Variants in TACR1 observed in about 807,000 individuals in gnomAD.
TACR1 encodes the protein substance-P receptor.
A neutral mutation model predicts 35.8 loss-of-function variants in TACR1; 25 were observed. That is an observed-to-expected ratio of 0.70 (90% CI 0.51 to 0.98). The LOEUF is 0.98. Among genes scored for constraint, TACR1 ranks in the 50% least tolerant of loss-of-function variants. TACR1 has a pLI of 0.00. For missense variants in TACR1, 478 were observed against 522.9 expected, an observed-to-expected ratio of 0.91 and a Z score of 0.84; for synonymous variants, 195 against 206.7, an observed-to-expected ratio of 0.94 and a Z score of 0.48.
intron 2 of TACR1, among the ~76,000 whole-genome samples, chr2:75,059,209 A>C (rs902321981): frequency 1.6e-4 from 25 of 152,200 alleles, no homozygotes; most frequent in African/African-American, 5.8e-4. Flanking sequence ...CCACATAATC[A>C]TCCAGAATCT....
intron 1 of TACR1, among the ~76,000 whole-genome samples, chr2:75,182,049 C>G (rs918647553): frequency 6.6e-6 from 1 of 152,224 alleles, no homozygotes; most frequent in Non-Finnish European, 1.5e-5. Flanking sequence ...CAGGTACTTT[C>G]TAACTTTCTG....
At chr2:75,076,925 T>A (rs1219630949) in intron 2 of TACR1, among the ~76,000 whole-genome samples, 1 of 152,202 alleles carries the variant, frequency 6.6e-6, no homozygotes, top group Non-Finnish European at 1.5e-5. Flanking sequence ...CCTACTAGCT[T>A]CCGCTTTACA....
intron 2 of TACR1, among the ~76,000 whole-genome samples, chr2:75,084,270 A>G (rs979084050): frequency 6.6e-6 from 1 of 152,230 alleles, no homozygotes; most frequent in Admixed American, 6.5e-5. Flanking sequence ...CATCCCAGGG[A>G]TGAAGCCCAC....
chr2:75,186,462 G>A (rs535280680), intron 1 of TACR1, among the ~76,000 whole-genome samples: 7 of 151,032 alleles, frequency 4.6e-5, no homozygotes, highest in South Asian at 4.2e-4. Context: ...TGAGATGAGC[G>A]TTGATTTTAC....
At chr2:75,087,417 T>G (rs1673210173) in intron 2 of TACR1, among the ~76,000 whole-genome samples, 1 of 152,200 alleles carries the variant, frequency 6.6e-6, no homozygotes, top group African/African-American at 2.4e-5. Flanking sequence ...CAAAAAGTGC[T>G]TTTCTCTCTG....
chr2:75,134,513 GACAT>G (rs1372450460), intron 1 of TACR1, among the ~76,000 whole-genome samples: 1 of 152,158 alleles, frequency 6.6e-6, no homozygotes, highest in Non-Finnish European at 1.5e-5. Context: ...CAGACAGGAG[GACAT>G]TTACGCCTGG....
chr2:75,118,642 T>A (rs1194788254), intron 2 of TACR1, among the ~76,000 whole-genome samples: 1 of 152,214 alleles, frequency 6.6e-6, no homozygotes, highest in Non-Finnish European at 1.5e-5. Flanking sequence ...AAATTAATCT[T>A]TATTTCCAAG....
chr2:75,141,628 C>G (rs961701295), intron 1 of TACR1, among the ~76,000 whole-genome samples: 5 of 152,136 alleles, frequency 3.3e-5, no homozygotes, highest in African/African-American at 1.2e-4. Context: ...TGTCCACCCA[C>G]TATTCAATTT....
chr2:75,118,009 A>G (rs996932245), intron 2 of TACR1, among the ~76,000 whole-genome samples: 1 of 152,218 alleles, frequency 6.6e-6, no homozygotes, highest in Non-Finnish European at 1.5e-5. Flanking sequence ...TGACTCAGCT[A>G]GAGAGTGATG....
At chr2:75,085,289 A>C (rs1403279364) in intron 2 of TACR1, among the ~76,000 whole-genome samples, 2 of 151,850 alleles carry the variant, frequency 1.3e-5, no homozygotes, top group Non-Finnish European at 2.9e-5. Flanking sequence ...CTTACCCTCC[A>C]TGATCTCCTA....
chr2:75,197,695 AC>A (rs1334667972), intron 1 of TACR1, among the ~76,000 whole-genome samples: 3 of 151,918 alleles, frequency 2.0e-5, no homozygotes, highest in Admixed American at 6.6e-5. Context: ...AGCTTTGGGA[AC>A]CCTAACCTGT....
chr2:75,157,246 C>G (rs772918861), intron 1 of TACR1, among the ~76,000 whole-genome samples: 1 of 152,140 alleles, frequency 6.6e-6, no homozygotes, highest in Non-Finnish European at 1.5e-5. Flanking sequence ...CCCTTCTCCT[C>G]CAAGTCTAAA....
At chr2:75,080,873 ACTT>A (rs1673075285) in intron 2 of TACR1, among the ~76,000 whole-genome samples, 1 of 152,224 alleles carries the variant, frequency 6.6e-6, no homozygotes. Context: ...CAAAAGAAAT[ACTT>A]CTTAAACCAT....
rs867789687 is a variant in TACR1 at position 75,051,328 on chromosome 2, C to T, written c.855G>A (p.Gln285=). The T allele has an allele frequency of 6.2e-7, 1 of 1,614,182 alleles. No homozygotes were observed. The highest frequency in any genetic ancestry group is 8.5e-7 in the Non-Finnish European group (1 of 1,180,026). The change falls in exon 4 of 5, where the codon CAG becomes CAA. Residue 285 remains glutamine (Q), a synonymous_variant. Transcript: ENST00000305249. ...PDLYLKKFIQ[Q]VYLAIMWLAM... ...CCAGCCACATGATGGCCAGGTAGAC[C>T]TGCTGGATAAACTTCTTCAGGTAGA...
intron 2 of TACR1, among the ~76,000 whole-genome samples, chr2:75,063,067 C>T (rs1396836927): frequency 6.6e-6 from 1 of 152,134 alleles, no homozygotes; most frequent in Non-Finnish European, 1.5e-5. Flanking sequence ...CAGGGAAACT[C>T]CTCTTTTTAA....
intron 1 of TACR1, among the ~76,000 whole-genome samples, chr2:75,144,006 C>T (rs576495925): frequency 1.3e-5 from 2 of 152,318 alleles, no homozygotes; most frequent in Admixed American, 6.5e-5. Flanking sequence ...ATCAATTCCT[C>T]ACCTGCTTAG....
At chr2:75,076,049 G>A (rs1672970255) in intron 2 of TACR1, among the ~76,000 whole-genome samples, 1 of 152,206 alleles carries the variant, frequency 6.6e-6, no homozygotes, top group Admixed American at 6.5e-5. Flanking sequence ...TGAATGGCAG[G>A]TTTGTGCTTT....
At chr2:75,130,351 C>T (rs534868067) in intron 1 of TACR1, among the ~76,000 whole-genome samples, 57 of 152,314 alleles carry the variant, frequency 3.7e-4, no homozygotes, top group African/African-American at 1.3e-3. Flanking sequence ...TGTTGTGCTG[C>T]GTCCTGTGCC....
chr2:75,112,199 CTA>C (rs1673765370), intron 2 of TACR1, among the ~76,000 whole-genome samples: 1 of 151,782 alleles, frequency 6.6e-6, no homozygotes, highest in Non-Finnish European at 1.5e-5. Flanking sequence ...TGTGTAATTT[CTA>C]GTCTGCTTTT....
Sources: gnomAD v4.1 joint callset for allele counts (sites outside exome capture counted in the v4.1 genomes callset) on GRCh38, gnomAD v4.1.1 for gene constraint, MANE v1.5 for transcripts, NCBI Gene and HGNC (gene_info 2026-07-23, HGNC 2026-07-21) for gene names.